The following FOCAD variants were observed in gnomAD, a reference collection of about 807,000 sequenced individuals.
FOCAD encodes the protein focadhesin, also known as KIAA1797.
In FOCAD, 198 loss-of-function variants were observed where a neutral mutation model predicts 225.6. That is an observed-to-expected ratio of 0.88 (90% CI 0.78 to 0.99). The LOEUF (loss-of-function observed/expected upper bound fraction) is 0.99, where lower values mean the gene tolerates loss of function less well. Ranked by LOEUF, FOCAD falls within the 50% of genes least tolerant of loss-of-function variation. The probability of loss-of-function intolerance (pLI) is 0.00; values close to 1 mark genes in which losing one functional copy is unlikely to be tolerated. For missense variants in FOCAD, 2,713 were observed against 2,123.6 expected (o/e 1.28, Z -5.46); for synonymous variants, 897 against 755.0 (o/e 1.19, Z -3.08).
chr9:20,842,283 T>C (rs1826616440), intron 15 of FOCAD, among the ~76,000 whole-genome samples: 1 of 151,960 alleles, frequency 6.6e-6, no homozygotes, highest in Non-Finnish European at 1.5e-5. Flanking sequence ...GTACTGCTTA[T>C]TACTTTTTTT....
At chr9:20,789,739 TATCTTTATCCTTCCA>T in intron 11 of FOCAD, 131 bp downstream of exon 11, 5 of 1,048,772 alleles carry the variant, frequency 4.8e-6, no homozygotes, top group Non-Finnish European at 6.8e-6. Context: ...TTTTTTTTGC[TATCTTTATCCTTCCA>T]TTTTTTTCTT....
intron 15 of FOCAD, among the ~76,000 whole-genome samples, chr9:20,837,699 A>G (rs1826132570): frequency 6.6e-6 from 1 of 152,118 alleles, no homozygotes; most frequent in African/African-American, 2.4e-5. Flanking sequence ...GAATTATTAT[A>G]TCTGTTTTTA....
chr9:20,798,916 T>C (rs1821456440), intron 11 of FOCAD, among the ~76,000 whole-genome samples: 1 of 152,224 alleles, frequency 6.6e-6, no homozygotes, highest in African/African-American at 2.4e-5. Flanking sequence ...CTCTTGCTTC[T>C]CTAGTTCTTT....
intron 9 of FOCAD, among the ~76,000 whole-genome samples, chr9:20,779,614 G>C (rs1194514071): frequency 1.3e-5 from 2 of 152,082 alleles, no homozygotes; most frequent in African/African-American, 4.8e-5. Flanking sequence ...GCCAGGCGTG[G>C]TGGCGCATGC....
intron 1 of FOCAD, among the ~76,000 whole-genome samples, chr9:20,703,573 T>C (rs933080585): frequency 1.3e-5 from 2 of 152,120 alleles, no homozygotes; most frequent in African/African-American, 4.8e-5. Flanking sequence ...ACCTTGGGGC[T>C]GGTGTCTTAT....
At chr9:20,918,942 T>G (rs1055742570) in intron 24 of FOCAD, among the ~76,000 whole-genome samples, 5 of 152,140 alleles carry the variant, frequency 3.3e-5, no homozygotes, top group Non-Finnish European at 7.4e-5. Context: ...CGCTGCCAGC[T>G]TAGCTTCCCT....
At chr9:20,663,413 CT>C (rs371026729) in intron 2 of FOCAD, among the ~76,000 whole-genome samples, 133 of 151,718 alleles carry the variant, frequency 8.8e-4, no homozygotes, top group Middle Eastern at 3.4e-3. Context: ...CACTCTTTTC[CT>C]TAACGAAATA....
intron 11 of FOCAD, among the ~76,000 whole-genome samples, chr9:20,817,899 A>T (rs569466611): frequency 3.9e-5 from 6 of 152,320 alleles, no homozygotes; most frequent in African/African-American, 1.2e-4. Context: ...TAAGTAGATA[A>T]CTAGGAATAG....
At chr9:20,774,021 C>T (rs1818502604) in intron 8 of FOCAD, among the ~76,000 whole-genome samples, 1 of 152,208 alleles carries the variant, frequency 6.6e-6, no homozygotes, top group Non-Finnish European at 1.5e-5. Context: ...ATTAGATTCT[C>T]ACAGGAGCAT....
At chr9:20,933,583 G>A (rs1035614951) in intron 28 of FOCAD, among the ~76,000 whole-genome samples, 1 of 152,108 alleles carries the variant, frequency 6.6e-6, no homozygotes, top group Non-Finnish European at 1.5e-5. Context: ...GTGTGTGTGT[G>A]TGTGTATCAC....
chr9:20,915,496 T>A (rs1244479919), intron 23 of FOCAD, among the ~76,000 whole-genome samples: 1 of 152,176 alleles, frequency 6.6e-6, no homozygotes, highest in Admixed American at 6.6e-5. Flanking sequence ...GGACTGAGAA[T>A]TGAGCATTAG....
At position 20,923,649 on chromosome 9, in the gene FOCAD, C is replaced by T; in HGVS notation, c.2853-11C>T. The T allele has an allele frequency of 2.5e-6, 4 of 1,608,488 alleles. No individual in the cohort carries two copies. The highest frequency in any genetic ancestry group is 2.2e-5 in the East Asian group (1 of 44,808). ...AAAGTTCTCTGTTGAAATTTTTTTC[C>T]TTTTGAACAGGGAGAGTCCGGTAGT... On this transcript the variant is annotated splice_polypyrimidine_tract_variant and intron_variant, in intron 24 of 43. Transcript: ENST00000338382.
At chr9:20,898,278 A>G (rs567707658) in intron 21 of FOCAD, among the ~76,000 whole-genome samples, 2 of 151,430 alleles carry the variant, frequency 1.3e-5, no homozygotes, top group African/African-American at 4.8e-5. Flanking sequence ...GATGTCTGAC[A>G]TTAATTTGGG....
intron 43 of FOCAD, 114 bp from the exon 44 acceptor site, chr9:20,995,442 A>T: frequency 3.3e-6 from 2 of 603,886 alleles, no homozygotes; most frequent in Admixed American, 2.8e-5. Flanking sequence ...ATATCGATGG[A>T]ACTCCCTAGT....
At chr9:20,868,575 T>C (rs1829487153) in intron 18 of FOCAD, among the ~76,000 whole-genome samples, 1 of 152,146 alleles carries the variant, frequency 6.6e-6, no homozygotes, top group African/African-American at 2.4e-5. Flanking sequence ...TAGCTCTTTA[T>C]ATCTTCCAAC....
At chr9:20,831,830 C>G (rs1825523005) in intron 15 of FOCAD, among the ~76,000 whole-genome samples, 1 of 151,910 alleles carries the variant, frequency 6.6e-6, no homozygotes. Context: ...AGAATGAAAC[C>G]CACATCCCTT....
chr9:20,918,445 C>T (rs1438263580), intron 24 of FOCAD, among the ~76,000 whole-genome samples: 1 of 152,152 alleles, frequency 6.6e-6, no homozygotes, highest in Admixed American at 6.5e-5. Flanking sequence ...ACAAAGTGGC[C>T]GGGCGCGGTG....
intron 32 of FOCAD, 105 bp downstream of exon 32, chr9:20,949,033 C>A: frequency 9.7e-7 from 1 of 1,035,380 alleles, no homozygotes; most frequent in Non-Finnish European, 1.5e-6. Context: ...AGGATTTATG[C>A]TCATGGTAAT....
chr9:20,674,554 C>G (rs1822173806), intron 2 of FOCAD, among the ~76,000 whole-genome samples: 1 of 152,152 alleles, frequency 6.6e-6, no homozygotes, highest in Non-Finnish European at 1.5e-5. Context: ...TTTAAGACCC[C>G]TAGCAACCCT....
Sources: gnomAD v4.1 joint callset for allele counts (sites outside exome capture counted in the v4.1 genomes callset) on GRCh38, gnomAD v4.1.1 for gene constraint, MANE v1.5 for transcripts, NCBI Gene and HGNC (gene_info 2026-07-23, HGNC 2026-07-21) for gene names.